TAFA2: variants seen among roughly 807,000 people sequenced by gnomAD.
TAFA2 encodes TAFA chemokine like family member 2, also known as chemokine-like protein TAFA-2.
In TAFA2, 7 loss-of-function variants were observed where a neutral mutation model predicts 18.8. The ratio of observed to expected loss-of-function variants is 0.37; its 90% confidence interval spans 0.21 to 0.70. TAFA2 has a LOEUF of 0.70. TAFA2 is among the 30% of genes least tolerant of loss of function. The pLI, the probability that TAFA2 is intolerant of heterozygous loss-of-function variation, is 0.53. For missense variants in TAFA2, 122 were observed against 158.1 expected (o/e 0.77, Z 1.23); for synonymous variants, 60 against 54.2 (o/e 1.11, Z -0.47).
At chr12:62,090,742 C>T (rs1868676208) in intron 1 of TAFA2, among the ~76,000 whole-genome samples, 1 of 152,006 alleles carries the variant, frequency 6.6e-6, no homozygotes, top group South Asian at 2.1e-4. Flanking sequence ...CCTATTGCAG[C>T]ATTCATTTTC....
chr12:62,198,650 G>A (rs1260468857), intron 1 of TAFA2, among the ~76,000 whole-genome samples: 2 of 152,064 alleles, frequency 1.3e-5, no homozygotes, highest in Non-Finnish European at 2.9e-5. Flanking sequence ...ATGCAATAAT[G>A]TGTCTCTCAC....
intron 1 of TAFA2, among the ~76,000 whole-genome samples, chr12:62,076,861 C>A (rs1444417830): frequency 6.6e-6 from 1 of 152,192 alleles, no homozygotes; most frequent in Non-Finnish European, 1.5e-5. Context: ...ATGTGCAGAG[C>A]TGCTCAGAGC....
At chr12:62,239,039 C>A (rs914855088) in intron 1 of TAFA2, among the ~76,000 whole-genome samples, 1 of 152,142 alleles carries the variant, frequency 6.6e-6, no homozygotes, top group African/African-American at 2.4e-5. Context: ...CCTTTGAAGA[C>A]TTTAGATCTT....
intron 1 of TAFA2, among the ~76,000 whole-genome samples, chr12:62,081,678 T>C (rs1260029795): frequency 6.6e-6 from 1 of 151,970 alleles, no homozygotes; most frequent in African/African-American, 2.4e-5. Context: ...AGAGACGGGG[T>C]TTCACTTTTT....
At chr12:62,134,663 C>T (rs1269859537) in intron 1 of TAFA2, among the ~76,000 whole-genome samples, 1 of 152,082 alleles carries the variant, frequency 6.6e-6, no homozygotes, top group Non-Finnish European at 1.5e-5. Context: ...CATCTAGTGT[C>T]TCTTTCACTA....
chr12:62,131,326 G>A (rs1158587014), intron 1 of TAFA2, among the ~76,000 whole-genome samples: 4 of 152,008 alleles, frequency 2.6e-5, no homozygotes, highest in African/African-American at 7.2e-5. Flanking sequence ...ATTTCTCTAC[G>A]CACTTAACCT....
chr12:61,828,348 G>A (rs192888768), intron 2 of TAFA2, among the ~76,000 whole-genome samples: 90 of 151,834 alleles, frequency 5.9e-4, no homozygotes, highest in African/African-American at 2.0e-3. Flanking sequence ...TTCAAGAATC[G>A]TAAAACAAAA....
chr12:61,722,026 A>T (rs1869928489), intron 4 of TAFA2, among the ~76,000 whole-genome samples: 1 of 152,182 alleles, frequency 6.6e-6, no homozygotes, highest in Admixed American at 6.5e-5. Flanking sequence ...ATACTATTTG[A>T]ATTTCAAATA....
At chr12:61,826,753 C>T (rs1009460339) in intron 2 of TAFA2, among the ~76,000 whole-genome samples, 3 of 151,746 alleles carry the variant, frequency 2.0e-5, no homozygotes, top group African/African-American at 7.3e-5. Context: ...ACTCTCTGAA[C>T]TCTGTCTCTC....
chr12:62,058,650 G>T (rs1882253244), intron 1 of TAFA2, among the ~76,000 whole-genome samples: 1 of 151,882 alleles, frequency 6.6e-6, no homozygotes. Flanking sequence ...TCCCTTTCAT[G>T]CATTCTTTCA....
At chr12:61,757,439 G>A (rs1483256660) in intron 2 of TAFA2, among the ~76,000 whole-genome samples, 1 of 151,894 alleles carries the variant, frequency 6.6e-6, no homozygotes, top group Non-Finnish European at 1.5e-5. Flanking sequence ...ACTTCTGTTG[G>A]GGCCATGTTA....
At chr12:62,244,507 T>C (rs2062876145) in intron 1 of TAFA2, among the ~76,000 whole-genome samples, 1 of 152,172 alleles carries the variant, frequency 6.6e-6, no homozygotes, top group African/African-American at 2.4e-5. Flanking sequence ...ACTTCCATTT[T>C]GCCAGAATAA....
At chr12:61,901,118 T>A (rs1209142400) in intron 1 of TAFA2, among the ~76,000 whole-genome samples, 1 of 152,160 alleles carries the variant, frequency 6.6e-6, no homozygotes, top group Non-Finnish European at 1.5e-5. Flanking sequence ...TATGTCTTTA[T>A]AACAATCTTT....
intron 1 of TAFA2, among the ~76,000 whole-genome samples, chr12:62,105,810 G>A (rs1869422438): frequency 1.3e-5 from 2 of 152,184 alleles, no homozygotes. Flanking sequence ...AAAACCACCA[G>A]AAGTCAGAAG....
intron 1 of TAFA2, among the ~76,000 whole-genome samples, chr12:61,909,337 C>A (rs186007806): frequency 6.6e-6 from 1 of 152,124 alleles, no homozygotes; most frequent in African/African-American, 2.4e-5. Flanking sequence ...GCAAAGATGG[C>A]GAGCAGGACA....
Position 62,191,792 on chromosome 12 carries a change from T to A in TAFA2, c.-535A>T, listed in dbSNP as rs1340101684. 6.6e-6 allele frequency: 1 copy of A among 152,486 alleles called. No homozygotes were observed. The highest frequency in any genetic ancestry group is 2.4e-5 in the African/African-American group (1 of 41,422). 9.4% of individuals were successfully genotyped at this position (152,486 alleles called of 1,614,324 possible). A position where few individuals can be genotyped will look rare whatever the true frequency, so the allele number is the denominator to read the frequency against. On this transcript the variant is annotated 5_prime_UTR_variant, in exon 1 of 5. Coordinates refer to ENST00000416284, the MANE Select transcript of TAFA2 (RefSeq NM_178539.5). Reference sequence around the variant, plus strand: ...GCTTTTAAGGCCGACTAAAGACTTTTCCTCTCGCCTCACGTCGTCTCTCCC... The same window carrying A: ...GCTTTTAAGGCCGACTAAAGACTTTACCTCTCGCCTCACGTCGTCTCTCCC...
At chr12:61,973,838 G>A (rs1451668472) in intron 1 of TAFA2, among the ~76,000 whole-genome samples, 2 of 151,680 alleles carry the variant, frequency 1.3e-5, no homozygotes, top group Non-Finnish European at 3.0e-5. Context: ...AGTGAGCAGG[G>A]AGCCAACCAT....
At chr12:62,155,166 A>G (rs2062359964) in intron 1 of TAFA2, among the ~76,000 whole-genome samples, 1 of 152,228 alleles carries the variant, frequency 6.6e-6, no homozygotes, top group African/African-American at 2.4e-5. Flanking sequence ...CAAGTGGAGA[A>G]TCAAATCAAG....
chr12:61,737,733 A>G (rs1216066989), intron 4 of TAFA2, among the ~76,000 whole-genome samples: 1 of 151,838 alleles, frequency 6.6e-6, no homozygotes, highest in Non-Finnish European at 1.5e-5. Flanking sequence ...ATTTTGAAAT[A>G]AGTATTTTTA....
Sources: allele counts gnomAD v4.1 joint callset (sites outside exome capture counted in the v4.1 genomes callset), GRCh38; gene constraint gnomAD v4.1.1; transcripts MANE v1.5; gene names NCBI Gene and HGNC (gene_info 2026-07-23, HGNC 2026-07-21).